Variants in KRT7 observed in about 807,000 individuals in gnomAD.
KRT7 encodes the protein keratin, type II cytoskeletal 7.
In KRT7, 50 loss-of-function variants were observed where a neutral mutation model predicts 42.8. The ratio of observed to expected loss-of-function variants is 1.17; its 90% confidence interval spans 0.93 to 1.48. The LOEUF is 1.48. KRT7 is among the 40% of genes most tolerant of loss of function. The pLI is 0.00. For missense variants in KRT7, 588 were observed against 637.6 expected (o/e 0.92, Z 0.84); for synonymous variants, 268 against 266.3 (o/e 1.01, Z -0.06).
chr12:52,240,015 C>T (rs558619632), intron 4 of KRT7, among the ~76,000 whole-genome samples: 46 of 152,318 alleles, frequency 3.0e-4, no homozygotes, highest in East Asian at 5.8e-4. Flanking sequence ...TTTGCCTGAA[C>T]GTCCAGTCTC....
intron 2 of KRT7, among the ~76,000 whole-genome samples, chr12:52,236,204 C>A (rs971435268): frequency 6.6e-6 from 1 of 150,822 alleles, no homozygotes; most frequent in Non-Finnish European, 1.5e-5. Context: ...AGTGCCCCCC[C>A]CCAACACTCC....
intron 4 of KRT7, among the ~76,000 whole-genome samples, chr12:52,239,487 C>A (rs897588438): frequency 6.6e-6 from 1 of 152,144 alleles, no homozygotes; most frequent in Non-Finnish European, 1.5e-5. Context: ...GAGGATTTAT[C>A]CTGCCCTTTA....
At chr12:52,233,743 C>T (rs1431202351) in intron 1 of KRT7, 123 bp downstream of exon 1, 3 of 979,564 alleles carry the variant, frequency 3.1e-6, no homozygotes, top group Non-Finnish European at 4.9e-6. Context: ...TGTCTTTCCG[C>T]CAGTGTTGGG....
intron 8 of KRT7, 35 bp downstream of exon 8, chr12:52,248,246 C>A (rs1209721597): frequency 1.2e-6 from 2 of 1,610,950 alleles, no homozygotes; most frequent in South Asian, 2.2e-5. Flanking sequence ...GGAAGCATCC[C>A]TTGTGCTGTT....
At chr12:52,237,300 A>G (rs775427208) in intron 2 of KRT7, among the ~76,000 whole-genome samples, 6 of 152,096 alleles carry the variant, frequency 3.9e-5, no homozygotes, top group Non-Finnish European at 7.4e-5. Context: ...TGCCCCACCA[A>G]CAACCCCCCA....
downstream of KRT7, chr12:52,253,164 G>A (rs1942292612): frequency 6.4e-7 from 1 of 1,553,632 alleles, no homozygotes; most frequent in African/African-American, 1.4e-5. Context: ...TCTCCTGAGG[G>A]CTAACCCCAC....
chr12:52,254,916 G>T (rs994967385), downstream of KRT7, among the ~76,000 whole-genome samples: 11 of 152,226 alleles, frequency 7.2e-5, no homozygotes, highest in Non-Finnish European at 1.3e-4. Flanking sequence ...AGTCTAAGAG[G>T]CAAGGAATGA....
rs975592525 is a variant in KRT7, at chr12:52,238,479, G to C, written c.598-201G>C. On this transcript the variant is annotated intron_variant, in intron 3 of 8. Coordinates refer to ENST00000331817, the MANE Select transcript of KRT7 (RefSeq NM_005556.4). ...TCAGTTGCTCTGGGATACCAGTGCT[G>C]ATGCCCACCATGCAGTCTGGAGGGT... Among the ~76,000 whole-genome samples the C allele has an allele frequency of 2.0e-5, 3 of 152,186 alleles. No homozygotes were observed. The East Asian group carries it at 5.8e-4, about 29-fold the overall frequency.
intron 6 of KRT7, among the ~76,000 whole-genome samples, chr12:52,244,162 G>A (rs944631100): frequency 2.6e-5 from 4 of 152,236 alleles, no homozygotes; most frequent in African/African-American, 7.2e-5. Flanking sequence ...GGGGATGTGA[G>A]GGTGATTTAC....
chr12:52,241,785 G>GA, intron 5 of KRT7, 149 bp downstream of exon 5: 1 of 617,542 alleles, frequency 1.6e-6, no homozygotes, highest in Non-Finnish European at 2.8e-6. Flanking sequence ...CAGCCCTGGA[G>GA]AAAATCCCAA....
At position 52,235,219 on chromosome 12, in the gene KRT7, A is replaced by G; in HGVS notation, c.389A>G (p.Lys130Arg). ...ETKWTLLQEQ[K>R]SAKSSRLPDI... ...AAGTGGACGCTGCTGCAGGAGCAGA[A>G]GTCGGCCAAGAGCAGCCGCCTCCCA... The change falls in exon 2 of 9, where the codon AAG becomes AGG. Residue 130 changes from lysine to arginine, a missense_variant. Lys to Arg is a conservative substitution (Grantham distance 26, BLOSUM62 2). Coordinates refer to ENST00000331817, the MANE Select transcript of KRT7 (RefSeq NM_005556.4). 1 of 1,614,188 alleles carries G rather than the reference A, an allele frequency of 6.2e-7. No individual in the cohort carries two copies. The highest frequency in any genetic ancestry group is 8.5e-7 in the Non-Finnish European group (1 of 1,180,004).
At position 52,248,323 on chromosome 12, in the gene KRT7, C is replaced by T. The variant is rs1942207585; in HGVS notation, c.1240+112C>T. 3 of 1,140,034 alleles carry T rather than the reference C, an allele frequency of 2.6e-6. No individual in the cohort carries two copies. In the South Asian group the frequency reaches 3.9e-5, roughly 15 times the overall value. 70.6% of individuals were successfully genotyped at this position (1,140,034 alleles called of 1,614,324 possible). ...CCCTGCTGGAGGGGCCAGGAGACTC[C>T]TTCCTTTCTACAGGGATTGACAGGT... On this transcript the variant is annotated intron_variant, in intron 8 of 8. Coordinates refer to ENST00000331817, the MANE Select transcript of KRT7 (RefSeq NM_005556.4).
At chr12:52,235,079 AGAT>A (rs1281543277) in intron 1 of KRT7, 73 bp from the exon 2 acceptor site, 3 of 1,407,660 alleles carry the variant, frequency 2.1e-6, no homozygotes, top group Non-Finnish European at 3.0e-6. Flanking sequence ...AAGTGGCTAA[AGAT>A]GATGTTCCTC....
At chr12:52,239,411 C>G (rs1283664571) in intron 4 of KRT7, among the ~76,000 whole-genome samples, 1 of 152,126 alleles carries the variant, frequency 6.6e-6, no homozygotes, top group Admixed American at 6.5e-5. Flanking sequence ...CTGACCTAAG[C>G]CAATTTAAAG....
chr12:52,235,402 C>G, intron 2 of KRT7, 36 bp downstream of exon 2: 3 of 1,553,940 alleles, frequency 1.9e-6, no homozygotes, highest in Non-Finnish European at 2.6e-6. Flanking sequence ...AGACCCCTGC[C>G]CCGGGCCAAT....
chr12:52,241,330 G>T (rs992839882), intron 4 of KRT7, 142 bp from the exon 5 acceptor site: 2 of 650,916 alleles, frequency 3.1e-6, no homozygotes, highest in African/African-American at 3.7e-5. Context: ...ATGTGTGCTG[G>T]GTCTGGGCCC....
chr12:52,239,546 G>A (rs1215170795), intron 4 of KRT7, among the ~76,000 whole-genome samples: 1 of 152,198 alleles, frequency 6.6e-6, no homozygotes, highest in Non-Finnish European at 1.5e-5. Flanking sequence ...TCGGGAGGAG[G>A]TGGGGGTGAG....
chr12:52,241,334 TG>T, intron 4 of KRT7, 137 bp from the exon 5 acceptor site: 1 of 682,098 alleles, frequency 1.5e-6, no homozygotes, highest in African/African-American at 1.8e-5. Flanking sequence ...GTGCTGGGTC[TG>T]GGCCCCCTTG....
At chr12:52,239,429 T>C (rs888683645) in intron 4 of KRT7, among the ~76,000 whole-genome samples, 10 of 152,234 alleles carry the variant, frequency 6.6e-5, no homozygotes, top group Non-Finnish European at 1.5e-4. Context: ...AAGCACTTTG[T>C]CTTGGAAATG....
Sources: gnomAD v4.1 joint callset for allele counts (sites outside exome capture counted in the v4.1 genomes callset) on GRCh38, gnomAD v4.1.1 for gene constraint, MANE v1.5 for transcripts, NCBI Gene and HGNC (gene_info 2026-07-23, HGNC 2026-07-21) for gene names.